The following MTHFD2L variants were observed in gnomAD, a reference collection of about 807,000 sequenced individuals.
MTHFD2L encodes bifunctional methylenetetrahydrofolate dehydrogenase/cyclohydrolase 2, mitochondrial.
A neutral mutation model predicts 34.9 loss-of-function variants in MTHFD2L; 29 were observed. That is an observed-to-expected ratio of 0.83 (90% CI 0.62 to 1.13). MTHFD2L has a LOEUF of 1.13. Ranked by LOEUF, MTHFD2L falls within the 50% of genes most tolerant of loss-of-function variation. MTHFD2L has a pLI of 0.00. For synonymous variants in MTHFD2L, 167 were observed against 155.7 expected (o/e 1.07, Z -0.54); for missense variants, 481 against 446.5 (o/e 1.08, Z -0.70).
chr4:74,273,524 C>T (rs6446984), intron 6 of MTHFD2L, among the ~76,000 whole-genome samples: 56,244 of 151,986 alleles, frequency 0.37, 13,204 homozygotes, highest in African/African-American at 0.67. Context: ...AATCATTGGA[C>T]GTTTGAAATT....
intron 6 of MTHFD2L, among the ~76,000 whole-genome samples, chr4:74,266,568 A>G (rs1239532524): frequency 6.6e-6 from 1 of 152,200 alleles, no homozygotes; most frequent in African/African-American, 2.4e-5. Flanking sequence ...GACACAGCCC[A>G]GGGAGCATTG....
At chr4:74,140,038 A>C (rs1418163225) in intron 1 of MTHFD2L, among the ~76,000 whole-genome samples, 4 of 152,196 alleles carry the variant, frequency 2.6e-5, no homozygotes, top group Non-Finnish European at 5.9e-5. Context: ...GTAATCAGCC[A>C]GATGTGGTGG....
chr4:74,244,329 T>A (rs1335978181), intron 6 of MTHFD2L, among the ~76,000 whole-genome samples: 3 of 152,156 alleles, frequency 2.0e-5, no homozygotes, highest in African/African-American at 7.2e-5. Context: ...AGGAAATGGG[T>A]CAGAGTGCTG....
intron 1 of MTHFD2L, among the ~76,000 whole-genome samples, chr4:74,138,919 G>T (rs1723120034): frequency 6.6e-6 from 1 of 152,120 alleles, no homozygotes; most frequent in African/African-American, 2.4e-5. Context: ...TCCTACTTTA[G>T]CCTAATTTGT....
rs537059471 is a variant in MTHFD2L at position 74,281,276 on chromosome 4, C to T, written c.806-149C>T. Reference sequence around the variant, plus strand: ...AATCATCTTTGTTATTCTCTCGGATCAGAAATCATCAATGGCCTGTTTTTT... The same window carrying T: ...AATCATCTTTGTTATTCTCTCGGATTAGAAATCATCAATGGCCTGTTTTTT... On this transcript the variant is annotated intron_variant, in intron 6 of 7. Transcript: ENST00000325278. The T allele has an allele frequency of 8.1e-6, 6 of 737,690 alleles. No homozygotes were observed. The East Asian group carries it at 1.7e-4, about 21-fold the overall frequency. The allele number at this position is 737,690 out of a possible 1,614,324, so 45.7% of individuals were successfully genotyped here.
At chr4:74,207,895 C>T (rs1312020403) in intron 5 of MTHFD2L, among the ~76,000 whole-genome samples, 3 of 151,296 alleles carry the variant, frequency 2.0e-5, no homozygotes, top group Admixed American at 6.6e-5. Context: ...AGCCTGGTGG[C>T]AGGTTGAGCC....
At chr4:74,241,350 AT>A (rs1741680486) in intron 6 of MTHFD2L, among the ~76,000 whole-genome samples, 1 of 152,146 alleles carries the variant, frequency 6.6e-6, no homozygotes, top group Non-Finnish European at 1.5e-5. Flanking sequence ...ATGTTTTGTA[AT>A]AAATAGGTGC....
intron 6 of MTHFD2L, among the ~76,000 whole-genome samples, chr4:74,226,482 T>C (rs1444792310): frequency 6.6e-6 from 1 of 152,198 alleles, no homozygotes; most frequent in Non-Finnish European, 1.5e-5. Flanking sequence ...GTATACTTAT[T>C]ATATTTCATA....
At chr4:74,268,621 C>T (rs558468552) in intron 6 of MTHFD2L, among the ~76,000 whole-genome samples, 86 of 152,192 alleles carry the variant, frequency 5.7e-4, no homozygotes, top group African/African-American at 6.0e-4. Context: ...GTAAATATGG[C>T]GCTTCCTTTT....
At chr4:74,285,264 A>T (rs755893091) in intron 7 of MTHFD2L, among the ~76,000 whole-genome samples, 3 of 152,046 alleles carry the variant, frequency 2.0e-5, no homozygotes, top group Non-Finnish European at 4.4e-5. Flanking sequence ...TGGGTGCAGC[A>T]CACCCACATG....
chr4:74,260,243 T>C (rs1236677434), intron 6 of MTHFD2L, among the ~76,000 whole-genome samples: 1 of 152,182 alleles, frequency 6.6e-6, no homozygotes, highest in Non-Finnish European at 1.5e-5. Context: ...GGGCCAGGAA[T>C]GAGTCTTGGT....
At chr4:74,230,115 T>C (rs575761761) in intron 6 of MTHFD2L, among the ~76,000 whole-genome samples, 3 of 152,332 alleles carry the variant, frequency 2.0e-5, no homozygotes, top group Non-Finnish European at 2.9e-5. Flanking sequence ...ATGGAATTAT[T>C]CTAGTTGTTG....
At chr4:74,240,268 A>G (rs1199612873) in intron 6 of MTHFD2L, among the ~76,000 whole-genome samples, 1 of 152,200 alleles carries the variant, frequency 6.6e-6, no homozygotes, top group Non-Finnish European at 1.5e-5. Context: ...TACAAATACA[A>G]ATAAATATTT....
At chr4:74,281,324 CGT>C (rs3832298) in intron 6 of MTHFD2L, 99 bp from the exon 7 acceptor site, 77,881 of 787,538 alleles carry the variant, frequency 0.099, 1 homozygote, top group South Asian at 0.11. Context: ...ATTACACATA[CGT>C]GTGTGTGTGT....
At chr4:74,164,906 T>A in intron 1 of MTHFD2L, 1 of 933,542 alleles carries the variant, frequency 1.1e-6, no homozygotes, top group East Asian at 1.2e-4. Flanking sequence ...GCACCTTTTC[T>A]TGCCTTTAGG....
In MTHFD2L at chr4:74,225,359, A is replaced by C; in HGVS notation, c.770A>C (p.His257Pro). 6.2e-7 allele frequency: 1 copy of C among 1,613,186 alleles called. No individual in the cohort carries two copies. Among genetic ancestry groups the C allele is most frequent in the Middle Eastern group, 1.7e-4 (1 of 6,052 alleles). The change falls in exon 6 of 8, where the codon CAT (histidine) becomes CCT (proline). Residue 257 changes from histidine (H) to proline (P), a missense_variant. Coordinates refer to ENST00000325278, the MANE Select transcript of MTHFD2L (RefSeq NM_001144978.3). ...ACCCCCAAAGAGCAACTGAAGATTC[A>C]TACGCAGCTGGCAGATATTATCATA... ...RYTPKEQLKI[H>P]TQLADIIIVA...
At chr4:74,149,349 C>A (rs1485168332) in intron 1 of MTHFD2L, among the ~76,000 whole-genome samples, 1 of 151,926 alleles carries the variant, frequency 6.6e-6, no homozygotes, top group Admixed American at 6.6e-5. Context: ...CAAACTCAGA[C>A]ATCTGTTAAT....
At position 74,225,345 on chromosome 4, in the gene MTHFD2L, G is replaced by A. The variant is rs138450239; in HGVS notation, c.756G>A (p.Glu252=). The A allele has an allele frequency of 2.1e-4, 343 of 1,613,128 alleles. 2 individuals are homozygous for A. The African/African-American group carries it at 3.2e-3, about 15-fold the overall frequency. The change falls in exon 6 of 8, where the codon GAG becomes GAA. Residue 252 remains glutamate, a synonymous_variant. Coordinates refer to ENST00000325278, the MANE Select transcript of MTHFD2L (RefSeq NM_001144978.3). The stretch of plus-strand genomic sequence containing the variant: ...TAGCTCACAGATACACCCCCAAAGA[G>A]CAACTGAAGATTCATACGCAGCTGG... The part of the protein sequence containing the change: ...VTIAHRYTPK[E]QLKIHTQLAD...
At chr4:74,208,859 A>G (rs960969436) in intron 5 of MTHFD2L, among the ~76,000 whole-genome samples, 2 of 152,124 alleles carry the variant, frequency 1.3e-5, no homozygotes, top group East Asian at 1.9e-4. Context: ...AGTACATCTA[A>G]CTGCCATTAG....
Sources: gnomAD v4.1 joint callset for allele counts (sites outside exome capture counted in the v4.1 genomes callset) on GRCh38, gnomAD v4.1.1 for gene constraint, MANE v1.5 for transcripts, NCBI Gene and HGNC (gene_info 2026-07-23, HGNC 2026-07-21) for gene names.